ATR: variants seen among roughly 807,000 people sequenced by gnomAD.
ATR encodes the protein serine/threonine-protein kinase ATR.
In ATR, 142 loss-of-function variants were observed where a neutral mutation model predicts 305.3. The ratio of observed to expected loss-of-function variants is 0.47; its 90% confidence interval spans 0.41 to 0.53. The LOEUF is 0.53. Among genes scored for constraint, ATR ranks in the 20% least tolerant of loss-of-function variants. ATR has a pLI of 0.00. For missense variants in ATR, 2,135 were observed against 3,133.1 expected (o/e 0.68, Z 7.60); for synonymous variants, 1,050 against 1,068.1 (o/e 0.98, Z 0.33).
chr3:142,530,451 T>G (rs1001204197), intron 21 of ATR, among the ~76,000 whole-genome samples: 1 of 152,326 alleles, frequency 6.6e-6, no homozygotes, highest in South Asian at 2.1e-4. Flanking sequence ...TCTATTTTTG[T>G]CTTACAGGAA....
At chr3:142,469,311 T>C (rs1265089197) in intron 38 of ATR, 26 bp downstream of exon 38, 2 of 1,562,812 alleles carry the variant, frequency 1.3e-6, no homozygotes, top group South Asian at 1.1e-5. Context: ...GATCTTTTCA[T>C]ATAAAAAGGT....
At chr3:142,518,207 T>C (rs1436623717) in intron 24 of ATR, among the ~76,000 whole-genome samples, 1 of 152,182 alleles carries the variant, frequency 6.6e-6, no homozygotes, top group African/African-American at 2.4e-5. Flanking sequence ...TTAACTTTAG[T>C]CTTTAACTTT....
In ATR at chr3:142,496,365, G is replaced by C. The variant is rs376314540; in HGVS notation, c.5894C>G (p.Ser1965Cys). 26 of 1,500,646 alleles carry C rather than the reference G, an allele frequency of 1.7e-5. No homozygotes were observed. Among genetic ancestry groups the C allele is most frequent in the Non-Finnish European group, 2.3e-5 (26 of 1,121,844 alleles). The allele number at this position is 1,500,646 out of a possible 1,614,324, so 93.0% of individuals were successfully genotyped here. A position where few individuals can be genotyped will look rare whatever the true frequency, so the allele number is the denominator to read the frequency against. Reference protein sequence around the residue: ...LYVERAKWLWSKGDVHQALIV... With the variant: ...LYVERAKWLWCKGDVHQALIV... Reference sequence around the variant, plus strand: ...TGACATTTCCCTGGCCATTACCTTGGACCAGAGCCACTTTGCCCTTTCCAC... The same window carrying C: ...TGACATTTCCCTGGCCATTACCTTGCACCAGAGCCACTTTGCCCTTTCCAC... Residue 1965 changes from serine to cysteine, a missense_variant, in exon 34 of 47, where the codon TCC (serine) becomes TGC (cysteine). Transcript: ENST00000350721.
chr3:142,546,373 C>T (rs75424593), intron 16 of ATR, among the ~76,000 whole-genome samples: 2,526 of 152,262 alleles, frequency 0.017, 27 homozygotes, highest in South Asian at 0.041. Flanking sequence ...TTCCCTTAAC[C>T]TTGCCATGTC....
intron 45 of ATR, among the ~76,000 whole-genome samples, chr3:142,456,085 G>A (rs1258020565): frequency 6.6e-6 from 1 of 152,144 alleles, no homozygotes; most frequent in Non-Finnish European, 1.5e-5. Context: ...GGAGGCTGAG[G>A]AAGGTGGATG....
chr3:142,574,458 C>A (rs2035372507), intron 1 of ATR, among the ~76,000 whole-genome samples: 3 of 114,622 alleles, frequency 2.6e-5, no homozygotes, highest in Non-Finnish European at 5.4e-5. Context: ...GAGCCAGTCT[C>A]AAAAAAAAAA....
intron 1 of ATR, among the ~76,000 whole-genome samples, chr3:142,576,538 GGTGCCAT>G (rs1349518541): frequency 6.6e-6 from 1 of 152,106 alleles, no homozygotes; most frequent in Non-Finnish European, 1.5e-5. Context: ...AAGTGAATAT[GGTGCCAT>G]GTACTGAGAT....
intron 1 of ATR, among the ~76,000 whole-genome samples, chr3:142,573,628 T>C (rs564419104): frequency 1.3e-5 from 2 of 152,258 alleles, no homozygotes; most frequent in African/African-American, 4.8e-5. Flanking sequence ...AGCCATAATT[T>C]TGTTATTTTC....
intron 36 of ATR, among the ~76,000 whole-genome samples, chr3:142,482,999 T>C (rs2030632418): frequency 6.8e-6 from 1 of 146,778 alleles, no homozygotes; most frequent in Non-Finnish European, 1.5e-5. Context: ...CTTTTTTTTT[T>C]TTCTTTCTTT....
At chr3:142,570,138 G>A (rs573248285) in intron 1 of ATR, among the ~76,000 whole-genome samples, 1 of 152,196 alleles carries the variant, frequency 6.6e-6, no homozygotes, top group Non-Finnish European at 1.5e-5. Flanking sequence ...TTGTTGTTAA[G>A]CTGTAGGAGT....
intron 29 of ATR, among the ~76,000 whole-genome samples, chr3:142,503,817 T>C (rs1282638476): frequency 6.6e-6 from 1 of 152,190 alleles, no homozygotes; most frequent in African/African-American, 2.4e-5. Flanking sequence ...GTAGACAACA[T>C]AGAAAATCTC....
intron 14 of ATR, 144 bp downstream of exon 14, chr3:142,549,988 T>C: frequency 2.7e-6 from 3 of 1,113,746 alleles, no homozygotes; most frequent in South Asian, 1.5e-5. Flanking sequence ...TCAGGACAGC[T>C]AACCATAAAG....
chr3:142,454,641 C>G (rs899903915), intron 45 of ATR, among the ~76,000 whole-genome samples: 4 of 151,770 alleles, frequency 2.6e-5, no homozygotes, highest in African/African-American at 7.3e-5. Context: ...CAGGGTTTCA[C>G]CGTGTTAGCC....
In ATR at chr3:142,549,500, T is replaced by C. The variant is rs1411605061; in HGVS notation, c.3150A>G (p.Glu1050=). Residue 1050 remains glutamate, a synonymous_variant, in exon 15 of 47, where the codon GAA becomes GAG. Coordinates refer to ENST00000350721, the MANE Select transcript of ATR (RefSeq NM_001184.4). The part of the protein sequence containing the change: ...LVCSCSKDEL[E]RALHYLKNET... ...TTACCTTCAGATAATGAAGGGCACG[T>C]TCTAATTCATCTTTGGAACAAGAAC... 6.2e-7 allele frequency: 1 copy of C among 1,601,832 alleles called. No individual in the cohort carries two copies. Among genetic ancestry groups the C allele is most frequent in the African/African-American group, 1.3e-5 (1 of 74,600 alleles).
rs74269486 is a variant in ATR at position 142,512,220 on chromosome 3, TA to T, written c.4852+39del. The T allele has an allele frequency of 0.17, 202,530 of 1,206,150 alleles. No homozygotes were observed. The highest frequency in any genetic ancestry group is 0.2 in the East Asian group (7,568 of 38,520). 74.7% of individuals were successfully genotyped at this position (1,206,150 alleles called of 1,614,324 possible). On this transcript the variant is annotated intron_variant, in intron 27 of 46. Coordinates refer to ENST00000350721, the MANE Select transcript of ATR (RefSeq NM_001184.4). ...AGGGAAGAGCTAATTGGTGAATAGC[TA>T]AAAAAAAAAAAAAAAAAGAAACAGA...
At chr3:142,564,319 TCAGA>T (rs933424417) in intron 3 of ATR, among the ~76,000 whole-genome samples, 1 of 150,686 alleles carries the variant, frequency 6.6e-6, no homozygotes. Context: ...AACTTTGGAG[TCAGA>T]CAGGCAAGGT....
chr3:142,452,344 A>G (rs1420855612), intron 46 of ATR: 25 of 986,740 alleles, frequency 2.5e-5, no homozygotes, highest in Non-Finnish European at 2.6e-5. Context: ...CCCCCCACCA[A>G]AAAAAACGAA....
At chr3:142,505,425 A>G in intron 28 of ATR, 122 bp from the exon 29 acceptor site, 2 of 1,186,764 alleles carry the variant, frequency 1.7e-6, no homozygotes, top group South Asian at 1.3e-5. Flanking sequence ...TCAAAGTAAT[A>G]GTAAGCATTT....
In ATR at chr3:142,535,121, G is replaced by A. The variant is rs2033806480; in HGVS notation, c.3904C>T (p.His1302Tyr). The change falls in exon 21 of 47, where the codon CAT (histidine) becomes TAT (tyrosine). Residue 1302 changes from histidine (H) to tyrosine (Y), a missense_variant. By Grantham distance (83) the His-to-Tyr change is moderately conservative. Around this residue, in one of 9 missense-constraint regions of ATR, gnomAD observed 530 missense variants for 766.8 expected, o/e 0.69. Coordinates refer to ENST00000350721, the MANE Select transcript of ATR (RefSeq NM_001184.4). Reference sequence around the variant, plus strand: ...GTTTCCTTCAAGCTTGTAAGAGCATGAATACGAACATCGACATTTTCATGT... The same window carrying A: ...GTTTCCTTCAAGCTTGTAAGAGCATAAATACGAACATCGACATTTTCATGT... ...IQHENVDVRI[H>Y]ALTSLKETLY... 6.2e-7 allele frequency: 1 copy of A among 1,613,070 alleles called. No homozygotes were observed. The highest frequency in any genetic ancestry group is 8.5e-7 in the Non-Finnish European group (1 of 1,179,348).
Sources: allele counts gnomAD v4.1 joint callset (sites outside exome capture counted in the v4.1 genomes callset), GRCh38; gene constraint gnomAD v4.1.1; regional missense constraint gnomAD v4.1.1; transcripts MANE v1.5; gene names NCBI Gene and HGNC (gene_info 2026-07-23, HGNC 2026-07-21).